The following MS4A1 variants were observed in gnomAD, a reference collection of about 807,000 sequenced individuals.
MS4A1 encodes the protein B-lymphocyte antigen CD20.
Under a neutral mutation model 26.5 loss-of-function variants are expected in MS4A1, and 16 were observed. The ratio of observed to expected loss-of-function variants is 0.60; its 90% CI spans 0.41 to 0.92. The LOEUF is 0.92. Among genes scored for constraint, MS4A1 ranks in the 40% least tolerant of loss-of-function variants. The probability of loss-of-function intolerance (pLI) is 0.00; values close to 1 mark genes in which losing one functional copy is unlikely to be tolerated. For synonymous variants in MS4A1, 128 were observed against 117.6 expected (o/e 1.09, Z -0.57); for missense variants, 350 against 353.0 (o/e 0.99, Z 0.07).
chr11:60,464,807 A>T (rs1256977658), intron 5 of MS4A1, among the ~76,000 whole-genome samples: 1 of 152,224 alleles, frequency 6.6e-6, no homozygotes, highest in East Asian at 1.9e-4. Flanking sequence ...CGTCCAATGG[A>T]GATGAAAGGC....
In MS4A1 at chr11:60,465,876, A is replaced by G. The variant is rs747986300; in HGVS notation, c.337-45A>G. On this transcript the variant is annotated intron_variant, in intron 5 of 7. Transcript: ENST00000345732. ...AATTCCCTCCCAGATTATGTTTTCC[A>G]AAGGGAAATCAAACCCAATTAATAA... The G allele has an allele frequency of 8.1e-6, 12 of 1,479,270 alleles. No homozygotes were observed. The African/African-American group carries it at 1.4e-4, about 17-fold the overall frequency. 91.6% of individuals were successfully genotyped at this position (1,479,270 alleles called of 1,614,324 possible).
rs202020121 is a variant in MS4A1, at chr11:60,470,590, C to T, written c.*2122C>T. 12 of 151,938 alleles carry T rather than the reference C, an allele frequency of 7.9e-5. No homozygotes were observed. The highest frequency in any genetic ancestry group is 1.2e-4 in the African/African-American group (5 of 41,412). 9.4% of individuals were successfully genotyped at this position (151,938 alleles called of 1,614,324 possible). A position where few individuals can be genotyped will look rare whatever the true frequency, so the allele number is the denominator to read the frequency against. ...CCTATGACCTTCTCCCCGATTATCC[C>T]TTTGGCAATATAGAGTCAAATAATA... On this transcript the variant is annotated 3_prime_UTR_variant, in exon 8 of 8. Coordinates refer to ENST00000345732, the MANE Select transcript of MS4A1 (RefSeq NM_152866.3).
In MS4A1 at chr11:60,455,962, C is replaced by T. The variant is rs181539360; in HGVS notation, c.-280+17C>T. On this transcript the variant is annotated intron_variant, in intron 1 of 7. Transcript: ENST00000345732. Reference sequence around the variant, plus strand: ...GAGACTCAGGTAAGGAATCAATTTGCTTTCTTTAAATGACTTAAAGGAGGT... The same window carrying T: ...GAGACTCAGGTAAGGAATCAATTTGTTTTCTTTAAATGACTTAAAGGAGGT... 6 of 152,264 alleles carry T rather than the reference C, an allele frequency of 3.9e-5. No individual in the cohort carries two copies. The highest frequency in any genetic ancestry group is 1.3e-4 in the Admixed American group (2 of 15,304). 9.4% of individuals were successfully genotyped at this position (152,264 alleles called of 1,614,324 possible).
At chr11:60,457,831 T>C (rs533120064) in intron 1 of MS4A1, among the ~76,000 whole-genome samples, 1 of 152,140 alleles carries the variant, frequency 6.6e-6, no homozygotes, top group Non-Finnish European at 1.5e-5. Context: ...AGAGAGTGGG[T>C]AGCAAAGCTT....
rs199757094 is a variant in MS4A1, at chr11:60,462,287, G to T, written c.-88G>T. 4.1e-5 allele frequency: 57 copies of T among 1,378,300 alleles called. No individual in the cohort carries two copies. The highest frequency in any genetic ancestry group is 5.7e-5 in the Non-Finnish European group (55 of 969,084). The allele number at this position is 1,378,300 out of a possible 1,614,324, so 85.4% of individuals were successfully genotyped here. On this transcript the variant is annotated 5_prime_UTR_variant, in exon 3 of 8. An upstream start codon of the reference 5' UTR is lost. Transcript: ENST00000345732. ...GAAATGCTGAGAGAAGCATTCAGAT[G>T]CATGACACAAGGTAAGACTGCCAAA...
At chr11:60,458,910 A>T (rs2186920) in intron 1 of MS4A1, among the ~76,000 whole-genome samples, 87,773 of 151,982 alleles carry the variant, frequency 0.58, 25,512 homozygotes, top group East Asian at 0.63. Flanking sequence ...TATTTTATAC[A>T]AATATTTGTT....
chr11:60,460,840 C>T (rs2086241929), intron 1 of MS4A1, among the ~76,000 whole-genome samples: 1 of 151,796 alleles, frequency 6.6e-6, no homozygotes, highest in Non-Finnish European at 1.5e-5. Flanking sequence ...TTACTACACT[C>T]TCCCTTTGTC....
chr11:60,464,267 C>T lies in MS4A1; in HGVS notation c.280-21C>T, dbSNP rs762436518. 5.1e-6 allele frequency: 8 copies of T among 1,571,530 alleles called. No homozygotes were observed. In the African/African-American group the frequency reaches 1.1e-4, roughly 21 times the overall value. ...GTCTTGCCCACCCCCTCTCCATCTC[C>T]CCCACCTCTCTTTTTTACAGTATAT... is the stretch of plus-strand genomic sequence containing the variant. On this transcript the variant is annotated intron_variant, in intron 4 of 7. Coordinates refer to ENST00000345732, the MANE Select transcript of MS4A1 (RefSeq NM_152866.3).
At chr11:60,457,478 A>C (rs1175400452) in intron 1 of MS4A1, among the ~76,000 whole-genome samples, 1 of 152,210 alleles carries the variant, frequency 6.6e-6, no homozygotes, top group South Asian at 2.1e-4. Flanking sequence ...CTGAAGGCAG[A>C]AAAGCATGAA....
chr11:60,465,069 T>C (rs1275624575), intron 5 of MS4A1, among the ~76,000 whole-genome samples: 3 of 152,212 alleles, frequency 2.0e-5, no homozygotes, highest in African/African-American at 7.2e-5. Flanking sequence ...TAAAGTGGCC[T>C]GACACACTCA....
chr11:60,468,419 C>A lies in MS4A1; in HGVS notation c.845C>A (p.Pro282His), dbSNP rs372609277. The A allele has an allele frequency of 1.9e-6, 3 of 1,614,154 alleles. No homozygotes were observed. The highest frequency in any genetic ancestry group is 8.5e-7 in the Non-Finnish European group (1 of 1,180,002). ...EEETETNFPE[P>H]PQDQESSPIE... The stretch of plus-strand genomic sequence containing the variant: ...GAAACAGAGACGAACTTTCCAGAAC[C>A]TCCCCAAGATCAGGAATCCTCACCA... Residue 282 changes from proline to histidine, a missense_variant, in exon 8 of 8, where the codon CCT (proline) becomes CAT (histidine). Transcript: ENST00000345732.
rs757490182 is a variant in MS4A1 at position 60,464,311 on chromosome 11, G to A, written c.303G>A (p.Leu101=). Residue 101 remains leucine, a synonymous_variant, in exon 5 of 8, where the codon CTG becomes CTA. Coordinates refer to ENST00000345732, the MANE Select transcript of MS4A1 (RefSeq NM_152866.3). ...AGTATATTATTTCCGGATCACTCCTGGCAGCAACGGAGAAAAACTCCAGGA... is the reference window on the plus strand; with the variant it reads ...AGTATATTATTTCCGGATCACTCCTAGCAGCAACGGAGAAAAACTCCAGGA... ...GIMYIISGSL[L]AATEKNSRKC... is the part of the protein sequence containing the mutation. 2 of 1,607,320 alleles carry A rather than the reference G, an allele frequency of 1.2e-6. No individual in the cohort carries two copies. Among genetic ancestry groups the A allele is most frequent in the Admixed American group, 1.7e-5 (1 of 58,968 alleles).
intron 3 of MS4A1, 139 bp from the exon 4 acceptor site, chr11:60,462,863 C>T (rs2086259980): frequency 7.5e-7 from 1 of 1,337,408 alleles, no homozygotes; most frequent in Admixed American, 1.7e-5. Context: ...AAGAAAAAGA[C>T]AAAATTCTTG....
At position 60,462,212 on chromosome 11, in the gene MS4A1, C is replaced by A; in HGVS notation, c.-163C>A. 1 of 788,870 alleles carries A rather than the reference C, an allele frequency of 1.3e-6. No homozygotes were observed. The highest frequency in any genetic ancestry group is 2.1e-6 in the Non-Finnish European group (1 of 465,674). The allele number at this position is 788,870 out of a possible 1,614,324, so 48.9% of individuals were successfully genotyped here. A position where few individuals can be genotyped will look rare whatever the true frequency, so the allele number is the denominator to read the frequency against. On this transcript the variant is annotated 5_prime_UTR_variant, in exon 3 of 8. Coordinates refer to ENST00000345732, the MANE Select transcript of MS4A1 (RefSeq NM_152866.3). ...CTCAGCAGTAGGCCTTGCCTCAGATCCAAGGTCACTCGGAAGAGGCCATGT... is the reference window on the plus strand; with the variant it reads ...CTCAGCAGTAGGCCTTGCCTCAGATACAAGGTCACTCGGAAGAGGCCATGT...
chr11:60,468,388 G>A lies in MS4A1; in HGVS notation c.814G>A (p.Glu272Lys). The change falls in exon 8 of 8, where the codon GAA becomes AAA. Residue 272 changes from glutamate to lysine, a missense_variant. By Grantham distance (56) the Glu-to-Lys change is moderately conservative. Transcript: ENST00000345732. ...IEIIPIQEEEEEETETNFPEP... is the reference protein window; with the variant it reads ...IEIIPIQEEEKEETETNFPEP... ...AATTATTCCAATCCAAGAAGAGGAA[G>A]AAGAAGAAACAGAGACGAACTTTCC... The A allele has an allele frequency of 1.9e-6, 3 of 1,614,154 alleles. No homozygotes were observed. In the South Asian group the frequency reaches 3.3e-5, roughly 18 times the overall value.
chr11:60,466,094 T>C lies in MS4A1; in HGVS notation c.510T>C (p.Ala170=). 6.2e-7 allele frequency: 1 copy of C among 1,613,994 alleles called. No individual in the cohort carries two copies. Among genetic ancestry groups the C allele is most frequent in the South Asian group, 1.1e-5 (1 of 91,076 alleles). ...TTAACATATACAACTGTGAACCAGC[T>C]AATCCCTCTGAGAAAAACTCCCCAT... The part of the protein sequence containing the change: ...PYINIYNCEP[A]NPSEKNSPST... The change falls in exon 6 of 8, where the codon GCT becomes GCC. Residue 170 remains alanine (A), a synonymous_variant. Coordinates refer to ENST00000345732, the MANE Select transcript of MS4A1 (RefSeq NM_152866.3).
At chr11:60,460,646 G>A (rs980516855) in intron 1 of MS4A1, among the ~76,000 whole-genome samples, 11 of 152,134 alleles carry the variant, frequency 7.2e-5, no homozygotes, top group Non-Finnish European at 1.3e-4. Flanking sequence ...CCCAAAAGAG[G>A]GATTTTCAGA....
chr11:60,464,358 T>C lies in MS4A1; in HGVS notation c.336+14T>C, dbSNP rs770430261. 1.9e-6 allele frequency: 3 copies of C among 1,611,136 alleles called. No homozygotes were observed. The highest frequency in any genetic ancestry group is 2.2e-5 in the South Asian group (2 of 90,996). ...AGGAAGTGTTTGGCAAGTAACCATATGTCCTTCTTTCCCACATGTCAGAGA... is the reference window on the plus strand; with the variant it reads ...AGGAAGTGTTTGGCAAGTAACCATACGTCCTTCTTTCCCACATGTCAGAGA... On this transcript the variant is annotated intron_variant, in intron 5 of 7. Transcript: ENST00000345732.
In MS4A1 at chr11:60,462,498, C is replaced by T; in HGVS notation, c.124C>T (p.Gln42Ter). Reference sequence around the variant, plus strand: ...GATGTCTTCACTGGTGGGCCCCACGCAAAGCTTCTTCATGAGGGAATCTAA... The same window carrying T: ...GATGTCTTCACTGGTGGGCCCCACGTAAAGCTTCTTCATGAGGGAATCTAA... The part of the protein sequence containing the change: ...RRMSSLVGPT[Q>*]SFFMRESKTL... The change falls in exon 3 of 8, where the codon CAA (glutamine) becomes TAA (stop). Residue 42 changes from glutamine to a stop codon, truncating the protein, a stop_gained. Coordinates refer to ENST00000345732, the MANE Select transcript of MS4A1 (RefSeq NM_152866.3). LOFTEE classifies it high-confidence loss of function. 6.2e-7 allele frequency: 1 copy of T among 1,614,178 alleles called. No individual in the cohort carries two copies. The highest frequency in any genetic ancestry group is 1.3e-5 in the African/African-American group (1 of 75,048).
Sources: gnomAD v4.1 joint callset for allele counts (sites outside exome capture counted in the v4.1 genomes callset) on GRCh38, gnomAD v4.1.1 for gene constraint, MANE v1.5 for transcripts, NCBI Gene and HGNC (gene_info 2026-07-23, HGNC 2026-07-21) for gene names.